The following PPP4R1 variants were observed in gnomAD, a reference collection of about 807,000 sequenced individuals.
The protein encoded by PPP4R1 is protein phosphatase 4 regulatory subunit 1, also known as serine/threonine-protein phosphatase 4 regulatory subunit 1.
A neutral mutation model predicts 111.2 loss-of-function variants in PPP4R1; 42 were observed. The observed-to-expected ratio is 0.38, with a 90% CI of 0.29 to 0.49. The LOEUF (loss-of-function observed/expected upper bound fraction) is 0.49. PPP4R1 is among the 20% of genes least tolerant of loss of function. The pLI is 0.97. For missense variants in PPP4R1, 1,012 were observed against 1,161.6 expected, an observed-to-expected ratio of 0.87 and a Z score of 1.87; for synonymous variants, 409 against 405.5, an observed-to-expected ratio of 1.01 and a Z score of -0.10.
rs2066850153 is a variant in PPP4R1, at chr18:9,570,782, A to T, written c.1047-99T>A. On this transcript the variant is annotated intron_variant, in intron 10 of 19. Transcript: ENST00000400556. ...TTACATATAGCATTTAGACAAGTTA[A>T]ACATTAAAAATTACGGATTATCTGT... 7.8e-6 allele frequency: 10 copies of T among 1,288,344 alleles called. 1 individual carries two copies. The South Asian group carries it at 1.6e-4, about 21-fold the overall frequency. The allele number at this position is 1,288,344 out of a possible 1,614,324, so 79.8% of individuals were successfully genotyped here.
chr18:9,549,588 G>A (rs1029935695), intron 18 of PPP4R1, among the ~76,000 whole-genome samples: 36 of 152,142 alleles, frequency 2.4e-4, no homozygotes, highest in Admixed American at 2.4e-3. Flanking sequence ...TCACACCTGC[G>A]CTCTGGGTCC....
chr18:9,546,904 C>A lies in PPP4R1; in HGVS notation c.*885G>T, dbSNP rs576102343. 17 of 152,094 alleles carry A rather than the reference C, an allele frequency of 1.1e-4. No homozygotes were observed. The highest frequency in any genetic ancestry group is 6.5e-4 in the Admixed American group (10 of 15,274). The allele number at this position is 152,094 out of a possible 1,614,324, so 9.4% of individuals were successfully genotyped here. ...AGAAAACAATCAAAAGTGTATATAT[C>A]TCTCTCTATAGATCTTATTAATAAA... On this transcript the variant is annotated 3_prime_UTR_variant, in exon 20 of 20. Transcript: ENST00000400556.
intron 2 of PPP4R1, among the ~76,000 whole-genome samples, chr18:9,608,819 T>C (rs1461616261): frequency 6.6e-6 from 1 of 152,230 alleles, no homozygotes; most frequent in East Asian, 1.9e-4. Flanking sequence ...AAACATACAT[T>C]CATTGTTTTG....
intron 4 of PPP4R1, among the ~76,000 whole-genome samples, chr18:9,590,617 C>T (rs2145230263): frequency 6.6e-6 from 1 of 152,154 alleles, no homozygotes; most frequent in East Asian, 1.9e-4. Context: ...CATGCATGTA[C>T]AGACAACCGA....
chr18:9,608,450 A>C (rs537499172), intron 2 of PPP4R1, among the ~76,000 whole-genome samples: 4 of 152,364 alleles, frequency 2.6e-5, no homozygotes, highest in Admixed American at 2.6e-4. Context: ...AAAGTAAGTT[A>C]AGTTTGCTCC....
At chr18:9,598,396 C>T (rs766045862) in intron 2 of PPP4R1, among the ~76,000 whole-genome samples, 40 of 152,164 alleles carry the variant, frequency 2.6e-4, no homozygotes, top group Non-Finnish European at 4.7e-4. Flanking sequence ...TTGCTTAAAG[C>T]TAGTGATAAA....
In PPP4R1 at chr18:9,614,031, C is replaced by T; in HGVS notation, c.52+195G>A. On this transcript the variant is annotated intron_variant, in intron 2 of 19. Coordinates refer to ENST00000400556, the MANE Select transcript of PPP4R1 (RefSeq NM_001042388.3). This position sits in a 1 kb window ranked among gnomAD's most constrained non-coding sequence, Gnocchi z 4.1. ...GGCGTTACTCCGGGCGTCTCCCTCCCCCAGCGGAACCTGGGCGCGCCGTTT... is the reference window on the plus strand; with the variant it reads ...GGCGTTACTCCGGGCGTCTCCCTCCTCCAGCGGAACCTGGGCGCGCCGTTT... 2.9e-6 allele frequency: 1 copy of T among 349,118 alleles called. No homozygotes were observed. Among genetic ancestry groups the T allele is most frequent in the Non-Finnish European group, 4.8e-6 (1 of 206,338 alleles). The allele number at this position is 349,118 out of a possible 1,614,324, so 21.6% of individuals were successfully genotyped here.
chr18:9,578,492 T>C (rs2066973949), intron 9 of PPP4R1, among the ~76,000 whole-genome samples: 1 of 150,134 alleles, frequency 6.7e-6, no homozygotes, highest in Non-Finnish European at 1.5e-5. Flanking sequence ...TCCCACCTCC[T>C]CCTCCCAAAG....
intron 6 of PPP4R1, among the ~76,000 whole-genome samples, chr18:9,587,710 C>T (rs1055107626): frequency 4.0e-5 from 6 of 150,686 alleles, no homozygotes; most frequent in Non-Finnish European, 7.4e-5. Flanking sequence ...CCAGCCCAGC[C>T]TAATTTTTTT....
intron 2 of PPP4R1, among the ~76,000 whole-genome samples, chr18:9,598,727 G>A (rs1213940156): frequency 2.0e-5 from 3 of 152,052 alleles, no homozygotes; most frequent in Non-Finnish European, 2.9e-5. Context: ...AAGGACATCA[G>A]AAACAATTAA....
intron 15 of PPP4R1, among the ~76,000 whole-genome samples, chr18:9,556,349 C>T (rs559675375): frequency 4.0e-4 from 60 of 151,674 alleles, no homozygotes; most frequent in African/African-American, 1.4e-3. Context: ...CCTACCACCA[C>T]GCCCAGCTAA....
intron 8 of PPP4R1, among the ~76,000 whole-genome samples, chr18:9,583,641 A>C (rs1167125100): frequency 6.6e-6 from 1 of 152,220 alleles, no homozygotes; most frequent in Non-Finnish European, 1.5e-5. Flanking sequence ...TGCTAGGATT[A>C]CAGGTGTGAG....
upstream of PPP4R1, chr18:9,617,136 C>T (rs920725752): frequency 3.9e-5 from 6 of 152,304 alleles, no homozygotes; most frequent in Admixed American, 2.6e-4. Context: ...CCCAGCTTCA[C>T]TTACAATGCA....
upstream of PPP4R1, chr18:9,614,938 C>T (rs1259311124): frequency 6.6e-6 from 1 of 151,866 alleles, no homozygotes; most frequent in Non-Finnish European, 1.5e-5. The surrounding 1 kb of genome is among the most constrained non-coding windows in gnomAD (Gnocchi z 4.1). Flanking sequence ...TCACCGGCCT[C>T]GCCCACCGCC....
intron 2 of PPP4R1, among the ~76,000 whole-genome samples, chr18:9,609,107 T>C (rs1390215292): frequency 2.0e-5 from 3 of 152,184 alleles, no homozygotes; most frequent in Non-Finnish European, 4.4e-5. Context: ...AGAGGTATCA[T>C]TAATTGATCC....
In PPP4R1 at chr18:9,595,097, C is replaced by A; in HGVS notation, c.109G>T (p.Asp37Tyr). ...SDVIIIPSAL[D>Y]FVSQDEMLTP... ...AACATTTCATCTTGTGAGACAAAGT[C>A]CAGGGCTGAAGGTATAATAATCACA... is the stretch of plus-strand genomic sequence containing the variant. The change falls in exon 3 of 20, where the codon GAC becomes TAC. Residue 37 changes from aspartate to tyrosine, a missense_variant. By Grantham distance (160) the Asp-to-Tyr change is radical. Coordinates refer to ENST00000400556, the MANE Select transcript of PPP4R1 (RefSeq NM_001042388.3). 6.2e-7 allele frequency: 1 copy of A among 1,613,878 alleles called. No homozygotes were observed.
At chr18:9,553,139 A>G (rs1274183271) in intron 16 of PPP4R1, among the ~76,000 whole-genome samples, 183 bp downstream of exon 16, 2 of 152,226 alleles carry the variant, frequency 1.3e-5, no homozygotes, top group African/African-American at 4.8e-5. Flanking sequence ...CATTTTCAAG[A>G]AAAAATAAAA....
intron 2 of PPP4R1, among the ~76,000 whole-genome samples, chr18:9,602,445 C>T (rs75312256): frequency 0.069 from 10,199 of 147,956 alleles, 437 homozygotes; most frequent in Non-Finnish European, 0.097. Context: ...ACTTGGGAGG[C>T]TGAGGCAGGA....
rs145954746 is a variant in PPP4R1 at position 9,586,387 on chromosome 18, T to C, written c.586-1559A>G. Among the ~76,000 whole-genome samples the C allele has an allele frequency of 6.1e-3, 933 of 152,176 alleles. 3 individuals are homozygous for C. Among genetic ancestry groups the C allele is most frequent in the Non-Finnish European group, 9.8e-3 (667 of 67,962 alleles). On this transcript the variant is annotated intron_variant, in intron 6 of 19. Transcript: ENST00000400556. ...CCAAAAATTAGGCCAAGCCCAAAACTGATTTCCTTCATTGCAAAAATCCTA... is the reference window on the plus strand; with the variant it reads ...CCAAAAATTAGGCCAAGCCCAAAACCGATTTCCTTCATTGCAAAAATCCTA...
Sources: allele counts gnomAD v4.1 joint callset (sites outside exome capture counted in the v4.1 genomes callset), GRCh38; gene constraint gnomAD v4.1.1; non-coding constraint Gnocchi (gnomAD v3.1); transcripts MANE v1.5; gene names NCBI Gene and HGNC (gene_info 2026-07-23, HGNC 2026-07-21).